Variants in ADCYAP1R1 observed in about 807,000 individuals in gnomAD.
The protein encoded by ADCYAP1R1 is ADCYAP receptor type I.
Under a neutral mutation model 67.6 loss-of-function variants are expected in ADCYAP1R1, and 44 were observed. That is an observed-to-expected ratio of 0.65 (90% CI 0.51 to 0.84). The LOEUF is 0.84. ADCYAP1R1 is among the 40% of genes least tolerant of loss of function. The pLI is 0.00. For synonymous variants in ADCYAP1R1, 222 were observed against 219.6 expected, an observed-to-expected ratio of 1.01 and a Z score of -0.10; for missense variants, 477 against 587.9, an observed-to-expected ratio of 0.81 and a Z score of 1.95.
intron 1 of ADCYAP1R1, among the ~76,000 whole-genome samples, chr7:31,054,870 G>T (rs892119881): frequency 1.3e-5 from 2 of 152,186 alleles, no homozygotes; most frequent in African/African-American, 4.8e-5. Context: ...GAGGGATGAT[G>T]CCCCAGACAG....
At chr7:31,055,982 C>T (rs1246927425) in intron 1 of ADCYAP1R1, among the ~76,000 whole-genome samples, 1 of 152,222 alleles carries the variant, frequency 6.6e-6, no homozygotes, top group Admixed American at 6.5e-5. Context: ...AAACTGACTG[C>T]TGTCACTTGA....
intron 3 of ADCYAP1R1, among the ~76,000 whole-genome samples, chr7:31,074,648 C>A (rs73688756): frequency 0.076 from 11,539 of 152,286 alleles, 515 homozygotes; most frequent in Middle Eastern, 0.099. Context: ...TGCTCCACGG[C>A]CGTTCCACGG....
At chr7:31,054,992 C>T (rs1304063675) in intron 1 of ADCYAP1R1, among the ~76,000 whole-genome samples, 1 of 152,176 alleles carries the variant, frequency 6.6e-6, no homozygotes, top group Non-Finnish European at 1.5e-5. Flanking sequence ...GCTTAGTGGT[C>T]CAGCCGCCTG....
At chr7:31,069,870 C>G (rs1584490318) in intron 3 of ADCYAP1R1, among the ~76,000 whole-genome samples, 2 of 152,144 alleles carry the variant, frequency 1.3e-5, no homozygotes, top group African/African-American at 2.4e-5. Flanking sequence ...TTTGCAAAAT[C>G]CTTGGCATGT....
rs201702671 is a variant in ADCYAP1R1 at position 31,068,233 on chromosome 7, A to ACACG, written c.157+3300_157+3301insGCAC. Reference sequence around the variant, plus strand: ...TGCGCGCGCACACACACACACACACACACACGTACAAGAACGCATTTAACC... The same window carrying ACACG: ...TGCGCGCGCACACACACACACACACACACGCACACGTACAAGAACGCATTTAACC... On this transcript the variant is annotated intron_variant, in intron 3 of 15. Coordinates refer to ENST00000304166, the MANE Select transcript of ADCYAP1R1 (RefSeq NM_001118.5). Among the ~76,000 whole-genome samples the ACACG allele has an allele frequency of 6.4e-3, 974 of 152,236 alleles. 14 individuals are homozygous for ACACG. The highest frequency in any genetic ancestry group is 0.02 in the African/African-American group (831 of 41,536).
Position 31,086,956 on chromosome 7 carries a change from G to A in ADCYAP1R1, c.837G>A (p.Val279=). 1 of 1,614,206 alleles carries A rather than the reference G, an allele frequency of 6.2e-7. No homozygotes were observed. The highest frequency in any genetic ancestry group is 8.5e-7 in the Non-Finnish European group (1 of 1,180,040). The part of the protein sequence containing the change: ...YTIIGWGTPT[V]CVTVWATLRL... ...TTGTTCTCCCAGGGACCCCAACTGT[G>A]TGTGTGACAGTGTGGGCTACGCTGA... The change falls in exon 11 of 16, where the codon GTG becomes GTA. Residue 279 remains valine, a synonymous_variant. Coordinates refer to ENST00000304166, the MANE Select transcript of ADCYAP1R1 (RefSeq NM_001118.5). The surrounding 1 kb of genome is among the most constrained non-coding windows in gnomAD (Gnocchi z 5.0).
chr7:31,082,221 C>T (rs528549904), intron 6 of ADCYAP1R1, among the ~76,000 whole-genome samples: 3 of 152,314 alleles, frequency 2.0e-5, no homozygotes, highest in Non-Finnish European at 4.4e-5. Flanking sequence ...ACGGGCACCC[C>T]TTCGGGAAAC....
At chr7:31,054,535 A>G (rs571064955) in intron 1 of ADCYAP1R1, among the ~76,000 whole-genome samples, 1 of 152,316 alleles carries the variant, frequency 6.6e-6, no homozygotes, top group South Asian at 2.1e-4. Flanking sequence ...AAATAAATAC[A>G]CACATGGGAG....
At chr7:31,053,458 C>T (rs1259369687) in intron 1 of ADCYAP1R1, among the ~76,000 whole-genome samples, 2 of 152,164 alleles carry the variant, frequency 1.3e-5, no homozygotes, top group African/African-American at 2.4e-5. Flanking sequence ...GCCACATCCT[C>T]GGCGGGACCT....
chr7:31,085,424 C>A lies in ADCYAP1R1; in HGVS notation c.651C>A (p.Asn217Lys), dbSNP rs1325995810. The change falls in exon 9 of 16, where the codon AAC becomes AAA. Residue 217 changes from asparagine (N) to lysine (K), a missense_variant. Transcript: ENST00000304166. ...DWILYAEQDS[N>K]HCFISTVECK... ...TTCTGTATGCGGAGCAGGACAGCAA[C>A]CACTGCTTCATCTCCACTGTGAGTG... 1 of 1,613,380 alleles carries A rather than the reference C, an allele frequency of 6.2e-7. No individual in the cohort carries two copies. The highest frequency in any genetic ancestry group is 2.2e-5 in the East Asian group (1 of 44,874).
intron 3 of ADCYAP1R1, among the ~76,000 whole-genome samples, chr7:31,072,555 TCATCTCACCC>T (rs1795034766): frequency 4.6e-5 from 7 of 152,140 alleles, no homozygotes; most frequent in Admixed American, 3.3e-4. Context: ...TCAAGCTTTT[TCATCTCACCC>T]CTAGACTATA....
intron 11 of ADCYAP1R1, among the ~76,000 whole-genome samples, chr7:31,087,347 CTT>C (rs1327717754): frequency 1.3e-5 from 2 of 152,208 alleles, no homozygotes. Flanking sequence ...AAAAATGGTC[CTT>C]TCCCAGGAGC....
chr7:31,052,595 G>C lies in ADCYAP1R1; in HGVS notation c.-155G>C, dbSNP rs1304221222. 6.6e-6 allele frequency: 1 copy of C among 151,518 alleles called. No individual in the cohort carries two copies. Among genetic ancestry groups the C allele is most frequent in the Non-Finnish European group, 1.5e-5 (1 of 67,848 alleles). The allele number at this position is 151,518 out of a possible 1,614,324, so 9.4% of individuals were successfully genotyped here. ...CTCGGCGCACACGCTCCCCATCCCC[G>C]CGCCGCGCGGGCCGCGGACTTGCAG... On this transcript the variant is annotated 5_prime_UTR_variant, in exon 1 of 16. Coordinates refer to ENST00000304166, the MANE Select transcript of ADCYAP1R1 (RefSeq NM_001118.5).
intron 3 of ADCYAP1R1, among the ~76,000 whole-genome samples, chr7:31,071,501 C>T (rs1794978140): frequency 6.6e-6 from 1 of 152,184 alleles, no homozygotes; most frequent in South Asian, 2.1e-4. Flanking sequence ...TCATTTTCAA[C>T]CTCTGGAGGA....
At chr7:31,106,012 A>T (rs1796629601) in intron 15 of ADCYAP1R1, among the ~76,000 whole-genome samples, 1 of 152,198 alleles carries the variant, frequency 6.6e-6, no homozygotes, top group Admixed American at 6.5e-5. Flanking sequence ...GGGAAGCTTT[A>T]AAAAATATGA....
At chr7:31,067,049 C>T (rs1794766827) in intron 3 of ADCYAP1R1, among the ~76,000 whole-genome samples, 1 of 152,200 alleles carries the variant, frequency 6.6e-6, no homozygotes, top group Non-Finnish European at 1.5e-5. Context: ...ACTGAGCTGG[C>T]ATCTCTGCAA....
chr7:31,055,328 AGTGTGTGTGT>A (rs34731040), intron 1 of ADCYAP1R1, among the ~76,000 whole-genome samples: 2 of 148,310 alleles, frequency 1.3e-5, no homozygotes, highest in African/African-American at 4.9e-5. Context: ...AATGGAGGAA[AGTGTGTGTGT>A]GTGTGTGTGT....
At chr7:31,059,960 A>C (rs1252758452) in intron 1 of ADCYAP1R1, among the ~76,000 whole-genome samples, 2 of 152,148 alleles carry the variant, frequency 1.3e-5, no homozygotes, top group East Asian at 1.9e-4. Context: ...TGTGGGGACC[A>C]AGAGAAGGTA....
intron 1 of ADCYAP1R1, among the ~76,000 whole-genome samples, chr7:31,060,501 G>GT (rs1275854924): frequency 6.7e-6 from 1 of 149,170 alleles, no homozygotes; most frequent in African/African-American, 2.5e-5. Flanking sequence ...GTGTGTGTGT[G>GT]GTGTGTGTGT....
Sources: allele counts gnomAD v4.1 joint callset (sites outside exome capture counted in the v4.1 genomes callset), GRCh38; gene constraint gnomAD v4.1.1; non-coding constraint Gnocchi (gnomAD v3.1); transcripts MANE v1.5; gene names NCBI Gene and HGNC (gene_info 2026-07-23, HGNC 2026-07-21).